HKDC1: variants seen among roughly 807,000 people sequenced by gnomAD.
HKDC1 encodes hexokinase HKDC1.
Under a neutral mutation model 96.6 loss-of-function variants are expected in HKDC1, and 66 were observed. That is an observed-to-expected ratio of 0.68 (90% confidence interval 0.56 to 0.84). The LOEUF (loss-of-function observed/expected upper bound fraction) is 0.84. HKDC1 is among the 40% of genes least tolerant of loss of function. HKDC1 has a pLI of 0.00. For synonymous variants in HKDC1, 466 were observed against 473.1 expected (o/e 0.98, Z 0.20); for missense variants, 1,211 against 1,208.1 (o/e 1.00, Z -0.04).
chr10:69,265,192 G>T, intron 16 of HKDC1: 1 of 194,728 alleles, frequency 5.1e-6, no homozygotes, highest in Non-Finnish European at 1.0e-5. Flanking sequence ...GAAAGTGCGA[G>T]AGGTGGTGTG....
intron 12 of HKDC1, among the ~76,000 whole-genome samples, chr10:69,256,256 A>G (rs1362810448): frequency 6.6e-6 from 1 of 152,226 alleles, no homozygotes; most frequent in Admixed American, 6.5e-5. Flanking sequence ...GTAATTCTTT[A>G]TGGGTGTATA....
Position 69,220,393 on chromosome 10 carries a change from C to T in HKDC1, c.-43C>T, listed in dbSNP as rs1175764765. On this transcript the variant is annotated 5_prime_UTR_variant, in exon 1 of 18. Transcript: ENST00000354624. The stretch of plus-strand genomic sequence containing the variant: ...CAGAGTCGTAGGAGTGAACACTGCA[C>T]AGGAATCTCTGCCCATCTCAGGAGA... 5 of 1,512,668 alleles carry T rather than the reference C, an allele frequency of 3.3e-6. No homozygotes were observed. The highest frequency in any genetic ancestry group is 3.6e-6 in the Non-Finnish European group (4 of 1,109,070). The allele number at this position is 1,512,668 out of a possible 1,614,324, so 93.7% of individuals were successfully genotyped here. A position where few individuals can be genotyped will look rare whatever the true frequency, so the allele number is the denominator to read the frequency against.
chr10:69,223,180 A>G (rs987910916), intron 1 of HKDC1: 7 of 152,242 alleles, frequency 4.6e-5, no homozygotes, highest in African/African-American at 1.7e-4. Context: ...CAGATTGTTC[A>G]TCCACAGGAG....
chr10:69,255,916 C>CA lies in HKDC1; in HGVS notation c.1837-1106dup, dbSNP rs33969502. ...TAGGCAACAGAGTAAGAATCTGTGTCAAAAAAAAAAAAAACAAAAAAAACC... is the reference window on the plus strand; with the variant it reads ...TAGGCAACAGAGTAAGAATCTGTGTCAAAAAAAAAAAAAAACAAAAAAAACC... On this transcript the variant is annotated intron_variant, in intron 12 of 17. Coordinates refer to ENST00000354624, the MANE Select transcript of HKDC1 (RefSeq NM_025130.4). 2.1e-4 allele frequency among the ~76,000 whole-genome samples: 29 copies of CA among 140,430 alleles called. No individual in the cohort carries two copies. In the East Asian group the frequency reaches 2.7e-3, roughly 13 times the overall value. 92.1% of individuals were successfully genotyped at this position (140,430 alleles called of 152,430 possible).
At position 69,243,350 on chromosome 10, in the gene HKDC1, A is replaced by G; in HGVS notation, c.860A>G (p.Asn287Ser). 6.3e-7 allele frequency: 1 copy of G among 1,588,428 alleles called. No homozygotes were observed. The highest frequency in any genetic ancestry group is 8.6e-7 in the Non-Finnish European group (1 of 1,166,734). ...FDRELDLGSLNPGKQLFEKMI... is the reference protein window; with the variant it reads ...FDRELDLGSLSPGKQLFEKMI... ...AGGGAGCTGGACCTCGGCTCTCTCA[A>G]CCCAGGAAAGCAACTGTGAGTTCCC... The change falls in exon 7 of 18, where the codon AAC becomes AGC. Residue 287 changes from asparagine to serine, a missense_variant. Coordinates refer to ENST00000354624, the MANE Select transcript of HKDC1 (RefSeq NM_025130.4).
At chr10:69,228,023 A>G (rs1213615469) in intron 2 of HKDC1, among the ~76,000 whole-genome samples, 1 of 152,152 alleles carries the variant, frequency 6.6e-6, no homozygotes, top group Admixed American at 6.5e-5. Flanking sequence ...ATGTATTACT[A>G]CAATCACAGT....
At chr10:69,256,305 C>CT (rs1219359378) in intron 12 of HKDC1, among the ~76,000 whole-genome samples, 1 of 152,174 alleles carries the variant, frequency 6.6e-6, no homozygotes, top group Non-Finnish European at 1.5e-5. Context: ...TAGATCCATA[C>CT]TGTTGGAGTT....
At chr10:69,246,418 G>A (rs1317159934) in intron 8 of HKDC1, among the ~76,000 whole-genome samples, 184 bp downstream of exon 8, 1 of 152,228 alleles carries the variant, frequency 6.6e-6, no homozygotes, top group Non-Finnish European at 1.5e-5. Context: ...AGAGGTTCTT[G>A]TTGGTTTCAT....
chr10:69,223,541 C>A (rs549591143), intron 1 of HKDC1, among the ~76,000 whole-genome samples: 1 of 148,172 alleles, frequency 6.7e-6, no homozygotes, highest in Non-Finnish European at 1.5e-5. Context: ...TGGATACTTT[C>A]GAATATCCAG....
In HKDC1 at chr10:69,257,124, G is replaced by A. The variant is rs756838683; in HGVS notation, c.1925G>A (p.Arg642Lys). ...VVDMLREAIK[R>K]RNEFDLDIVA... ...GACATGCTCAGGGAAGCCATCAAGA[G>A]GAGAAACGTAGGATGTGGTGTTGAG... is the stretch of plus-strand genomic sequence containing the variant. The change falls in exon 13 of 18, where the codon AGG becomes AAG. Residue 642 changes from arginine (R) to lysine (K), a missense_variant. By Grantham distance (26) the Arg-to-Lys change is conservative. Transcript: ENST00000354624. The A allele has an allele frequency of 1.2e-6, 2 of 1,613,938 alleles. No individual in the cohort carries two copies. Among genetic ancestry groups the A allele is most frequent in the South Asian group, 2.2e-5 (2 of 91,072 alleles).
rs780668321 is a variant in HKDC1 at position 69,220,444 on chromosome 10, G to A, written c.9G>A (p.Ala3=). 27 of 1,599,482 alleles carry A rather than the reference G, an allele frequency of 1.7e-5. No individual in the cohort carries two copies. Among genetic ancestry groups the A allele is most frequent in the South Asian group, 2.3e-5 (2 of 88,678 alleles). ...AACCAAACTTGGGGAAAATGTTTGC[G>A]GTCCACTTGATGGCATTTTACTTCA... is the stretch of plus-strand genomic sequence containing the variant. MF[A]VHLMAFYFSK... Residue 3 remains alanine, a synonymous_variant, in exon 1 of 18, where the codon GCG becomes GCA. Coordinates refer to ENST00000354624, the MANE Select transcript of HKDC1 (RefSeq NM_025130.4).
At chr10:69,230,095 A>G (rs1416764201) in intron 2 of HKDC1, among the ~76,000 whole-genome samples, 1 of 152,146 alleles carries the variant, frequency 6.6e-6, no homozygotes, top group Non-Finnish European at 1.5e-5. Flanking sequence ...TCTGCGAGGG[A>G]GTCACCTGTT....
chr10:69,247,563 T>C lies in HKDC1; in HGVS notation c.1235T>C (p.Met412Thr), dbSNP rs1313941504. 6.2e-7 allele frequency: 1 copy of C among 1,614,130 alleles called. No homozygotes were observed. The highest frequency in any genetic ancestry group is 1.1e-5 in the South Asian group (1 of 91,084). The part of the protein sequence containing the change: ...KVERLRTTVG[M>T]DGTLYKIHPQ... Reference sequence around the variant, plus strand: ...GAACGGCTCCGGACCACAGTGGGCATGGACGGCACCCTCTACAAGATACAC... The same window carrying C: ...GAACGGCTCCGGACCACAGTGGGCACGGACGGCACCCTCTACAAGATACAC... Residue 412 changes from methionine to threonine, a missense_variant, in exon 9 of 18, where the codon ATG becomes ACG. Coordinates refer to ENST00000354624, the MANE Select transcript of HKDC1 (RefSeq NM_025130.4).
chr10:69,251,516 G>A (rs1291995188), intron 12 of HKDC1, among the ~76,000 whole-genome samples: 1 of 152,118 alleles, frequency 6.6e-6, no homozygotes, highest in Non-Finnish European at 1.5e-5. Context: ...GTCAATTTCT[G>A]CAAAGAAGCC....
At chr10:69,249,596 C>T (rs544208231) in intron 10 of HKDC1, among the ~76,000 whole-genome samples, 28 of 152,314 alleles carry the variant, frequency 1.8e-4, no homozygotes, top group African/African-American at 5.5e-4. Flanking sequence ...CCCAGGTTCA[C>T]ACCATTCTCC....
At chr10:69,252,980 G>A (rs1843667512) in intron 12 of HKDC1, among the ~76,000 whole-genome samples, 1 of 125,076 alleles carries the variant, frequency 8.0e-6, no homozygotes, top group Non-Finnish European at 1.6e-5. Flanking sequence ...AAACGTGTGT[G>A]TGTGTGTGTG....
chr10:69,259,302 G>T (rs1258762908), intron 15 of HKDC1, among the ~76,000 whole-genome samples: 1 of 152,152 alleles, frequency 6.6e-6, no homozygotes, highest in African/African-American at 2.4e-5. Context: ...ACATCCTCAG[G>T]CCTTCAAGAG....
intron 1 of HKDC1, among the ~76,000 whole-genome samples, chr10:69,226,677 T>C (rs1337578551): frequency 1.3e-5 from 2 of 151,952 alleles, no homozygotes; most frequent in Non-Finnish European, 2.9e-5. Context: ...GAGGGAAATT[T>C]AAAGGGCTAG....
chr10:69,227,593 A>T (rs903654331), intron 2 of HKDC1, among the ~76,000 whole-genome samples: 11 of 150,940 alleles, frequency 7.3e-5, no homozygotes, highest in African/African-American at 2.7e-4. Context: ...GGCCTCACAC[A>T]TTTGCTCCCT....
Sources: allele counts gnomAD v4.1 joint callset (sites outside exome capture counted in the v4.1 genomes callset), GRCh38; gene constraint gnomAD v4.1.1; transcripts MANE v1.5; gene names NCBI Gene and HGNC (gene_info 2026-07-23, HGNC 2026-07-21).